Variants in RUFY3 observed in about 807,000 individuals in gnomAD.
The protein encoded by RUFY3 is RUN and FYVE domain containing 3.
Under a neutral mutation model 84.0 loss-of-function variants are expected in RUFY3, and 34 were observed. The observed-to-expected ratio is 0.40, with a 90% CI of 0.31 to 0.54. The LOEUF (loss-of-function observed/expected upper bound fraction) is 0.54. Among genes scored for constraint, RUFY3 ranks in the 20% least tolerant of loss-of-function variants. The pLI is 0.39. For missense variants in RUFY3, 507 were observed against 736.8 expected, an observed-to-expected ratio of 0.69 and a Z score of 3.61; for synonymous variants, 242 against 252.9, an observed-to-expected ratio of 0.96 and a Z score of 0.41.
intron 6 of RUFY3, among the ~76,000 whole-genome samples, chr4:70,774,644 A>AAAAAAAAAT (rs1553916771): frequency 1.1e-4 from 6 of 56,676 alleles, no homozygotes; most frequent in African/African-American, 1.7e-4. Flanking sequence ...AAAAAAAAAA[A>AAAAAAAAAT]ATATATATAT....
At chr4:70,706,302 A>G (rs1740334341) in intron 1 of RUFY3, among the ~76,000 whole-genome samples, 1 of 152,086 alleles carries the variant, frequency 6.6e-6, no homozygotes, top group Admixed American at 6.6e-5. Context: ...TACACCCTAT[A>G]TTTTTAAAGC....
At chr4:70,783,580 C>CAT (rs1469466724) in intron 9 of RUFY3, among the ~76,000 whole-genome samples, 11 of 152,212 alleles carry the variant, frequency 7.2e-5, no homozygotes, top group African/African-American at 2.4e-4. Context: ...GTATTTTCTA[C>CAT]ATAACTTAAT....
At chr4:70,791,048 A>G (rs1730727957) in intron 12 of RUFY3, among the ~76,000 whole-genome samples, 1 of 152,168 alleles carries the variant, frequency 6.6e-6, no homozygotes, top group Admixed American at 6.6e-5. Context: ...TTTGAAATGA[A>G]ATGTATCAAA....
chr4:70,734,413 C>T, intron 1 of RUFY3: 1 of 985,422 alleles, frequency 1.0e-6, no homozygotes, highest in South Asian at 4.7e-5. Flanking sequence ...TAGATTTACA[C>T]TGTCAGGTTC....
rs200367548 is a variant in RUFY3, at chr4:70,753,073, TCTTTA to T, written c.179-9442_179-9438del. On this transcript the variant is annotated intron_variant, in intron 1 of 17. Transcript: ENST00000381006. The stretch of plus-strand genomic sequence containing the variant: ...TTTTATTATTATTACTAATTCAGGA[TCTTTA>T]CTTGTAGGTCTGTTCAGATTTCCTA... 3.6e-3 allele frequency among the ~76,000 whole-genome samples: 544 copies of T among 152,292 alleles called. 2 individuals carry two copies. Among genetic ancestry groups the T allele is most frequent in the African/African-American group, 0.013 (529 of 41,562 alleles).
At chr4:70,742,800 A>G (rs2148651404) in intron 1 of RUFY3, among the ~76,000 whole-genome samples, 1 of 152,330 alleles carries the variant, frequency 6.6e-6, no homozygotes, top group Admixed American at 6.5e-5. Context: ...CTCTCTGTTG[A>G]TGCCCAAGAG....
intron 12 of RUFY3, chr4:70,792,240 A>G: frequency 1.0e-6 from 1 of 985,294 alleles, no homozygotes; most frequent in Non-Finnish European, 1.2e-6. Flanking sequence ...GTCATTTCTT[A>G]CCTGGAAACA....
At chr4:70,717,079 A>G (rs1741709989), upstream of RUFY3, among the ~76,000 whole-genome samples, 1 of 152,216 alleles carries the variant, frequency 6.6e-6, no homozygotes, top group South Asian at 2.1e-4. Context: ...AAGAAGGAGC[A>G]CATAAGTACA....
chr4:70,705,195 C>A, exon 1 of RUFY3: 1 of 1,462,498 alleles, frequency 6.8e-7, no homozygotes, highest in Non-Finnish European at 9.0e-7. Flanking sequence ...GCAGCAGCAG[C>A]GCTCCTGGAG....
At chr4:70,755,427 G>A (rs1051830125) in intron 1 of RUFY3, among the ~76,000 whole-genome samples, 6 of 152,044 alleles carry the variant, frequency 3.9e-5, no homozygotes, top group Non-Finnish European at 7.4e-5. Context: ...TCAAGATTTT[G>A]CTGTATGAAC....
At chr4:70,766,374 A>G (rs1725920138) in intron 4 of RUFY3, among the ~76,000 whole-genome samples, 2 of 151,962 alleles carry the variant, frequency 1.3e-5, no homozygotes, top group Admixed American at 1.3e-4. Flanking sequence ...CCTCCCGAGT[A>G]GATGGGACTA....
rs575982809 is a variant in RUFY3, at chr4:70,754,963, G to A, written c.179-7556G>A. Among the ~76,000 whole-genome samples the A allele has an allele frequency of 2.6e-5, 4 of 151,644 alleles. No homozygotes were observed. The South Asian group carries it at 8.3e-4, about 32-fold the overall frequency. ...CTATCTCCCAGGCTGGAATGCAGTGGTGTGATCTTGGCTCACTGCAACCTC... is the reference window on the plus strand; with the variant it reads ...CTATCTCCCAGGCTGGAATGCAGTGATGTGATCTTGGCTCACTGCAACCTC... On this transcript the variant is annotated intron_variant, in intron 1 of 17. Coordinates refer to ENST00000381006, the MANE Select transcript of RUFY3 (RefSeq NM_001037442.4).
At chr4:70,791,397 A>G in intron 12 of RUFY3, 1 of 1,486,180 alleles carries the variant, frequency 6.7e-7, no homozygotes, top group Non-Finnish European at 8.9e-7. Context: ...TTCTATATAA[A>G]ATGTCACCAA....
intron 1 of RUFY3, among the ~76,000 whole-genome samples, chr4:70,732,775 G>A (rs1297999898): frequency 6.6e-6 from 1 of 151,982 alleles, no homozygotes; most frequent in Non-Finnish European, 1.5e-5. Flanking sequence ...GGGGGCTGGG[G>A]GGAGGGATAG....
At chr4:70,800,045 T>G (rs1578260635) in intron 14 of RUFY3, 96 bp from the exon 15 acceptor site, 1 of 1,171,414 alleles carries the variant, frequency 8.5e-7, no homozygotes, top group African/African-American at 1.6e-5. Flanking sequence ...CTACTTAGCT[T>G]TATACCCAAA....
At chr4:70,731,347 C>T (rs1719238994) in intron 1 of RUFY3, among the ~76,000 whole-genome samples, 1 of 152,216 alleles carries the variant, frequency 6.6e-6, no homozygotes, top group East Asian at 1.9e-4. Context: ...CAGTGATTGC[C>T]ATCTTTTAAA....
intron 1 of RUFY3, among the ~76,000 whole-genome samples, chr4:70,734,746 A>G (rs951707712): frequency 4.6e-5 from 7 of 152,194 alleles, no homozygotes; most frequent in Non-Finnish European, 1.0e-4. Context: ...TCTGCATAAA[A>G]TCAGCTTTTC....
intron 5 of RUFY3, among the ~76,000 whole-genome samples, chr4:70,769,671 T>C (rs1726627975): frequency 6.6e-6 from 1 of 152,226 alleles, no homozygotes; most frequent in African/African-American, 2.4e-5. Context: ...GACAGCATTT[T>C]ACCCACAGTA....
intron 8 of RUFY3, among the ~76,000 whole-genome samples, chr4:70,781,984 G>C (rs1158983877): frequency 6.6e-6 from 1 of 152,194 alleles, no homozygotes; most frequent in Non-Finnish European, 1.5e-5. Flanking sequence ...TGCTAATAAC[G>C]TTACCTGATC....
Sources: gnomAD v4.1 joint callset for allele counts (sites outside exome capture counted in the v4.1 genomes callset) on GRCh38, gnomAD v4.1.1 for gene constraint, MANE v1.5 for transcripts, NCBI Gene and HGNC (gene_info 2026-07-23, HGNC 2026-07-21) for gene names.